PKM: variants seen among roughly 807,000 people sequenced by gnomAD.
PKM encodes the protein pyruvate kinase M1/2.
Under a neutral mutation model 49.8 loss-of-function variants are expected in PKM, and 18 were observed. The observed-to-expected ratio is 0.36, with a 90% CI of 0.25 to 0.54. The LOEUF (loss-of-function observed/expected upper bound fraction) is 0.54. Ranked by LOEUF, PKM falls within the 20% of genes least tolerant of loss-of-function variation. The pLI, the probability that PKM is intolerant of heterozygous loss-of-function variation, is 0.89. For missense variants in PKM, 508 were observed against 713.8 expected (o/e 0.71, Z 3.28); for synonymous variants, 239 against 261.8 (o/e 0.91, Z 0.84).
chr15:72,231,157 A>G lies in PKM; in HGVS notation c.-55T>C, dbSNP rs1437096340. The G allele has an allele frequency of 3.4e-6, 1 of 296,094 alleles. No homozygotes were observed. Among genetic ancestry groups the G allele is most frequent in the Non-Finnish European group, 7.1e-6 (1 of 141,728 alleles). 18.3% of individuals were successfully genotyped at this position (296,094 alleles called of 1,614,324 possible). ...CTCGGGCTACGCTGCAAAGACGAAG[A>G]GATCCGGAGCCACGGCGCGTGCAGC... On this transcript the variant is annotated 5_prime_UTR_variant, in exon 1 of 11. Transcript: ENST00000335181.
intron 1 of PKM, chr15:72,229,581 G>A (rs548797276): frequency 5.1e-5 from 66 of 1,287,650 alleles, no homozygotes; most frequent in South Asian, 4.4e-4. Context: ...CAGACTGGAA[G>A]GTGCTTTCCT....
intron 7 of PKM, 82 bp from the exon 8 acceptor site, chr15:72,206,962 T>C (rs2082098856): frequency 6.5e-7 from 1 of 1,537,550 alleles, no homozygotes; most frequent in Non-Finnish European, 9.0e-7. Flanking sequence ...CTCTGGATAG[T>C]GAGTAGGTAC....
chr15:72,207,458 G>A (rs1477524235), intron 6 of PKM, among the ~76,000 whole-genome samples, 181 bp from the exon 7 acceptor site: 1 of 152,206 alleles, frequency 6.6e-6, no homozygotes, highest in African/African-American at 2.4e-5. Flanking sequence ...GGCCCCCAGA[G>A]TGGGCCAACA....
rs41277722 is a variant in PKM at position 72,199,547 on chromosome 15, G to A, written c.*103C>T. The A allele has an allele frequency of 4.0e-3, 3,224 of 806,544 alleles. 14 individuals carry two copies. The highest frequency in any genetic ancestry group is 7.0e-3 in the Middle Eastern group (32 of 4,552). The allele number at this position is 806,544 out of a possible 1,614,324, so 50.0% of individuals were successfully genotyped here. ...TTCCCTGGTGTCCCAACCTACCAGTGCCACGTTACAGCCCAGAGTGAGTTC... is the reference window on the plus strand; with the variant it reads ...TTCCCTGGTGTCCCAACCTACCAGTACCACGTTACAGCCCAGAGTGAGTTC... On this transcript the variant is annotated 3_prime_UTR_variant, in exon 11 of 11. Coordinates refer to ENST00000335181, the MANE Select transcript of PKM (RefSeq NM_002654.6).
intron 1 of PKM, among the ~76,000 whole-genome samples, chr15:72,227,760 AAAAAAAAAAAAAAAC>A (rs1228612234): frequency 4.9e-4 from 65 of 133,892 alleles, no homozygotes; most frequent in South Asian, 4.8e-3. Context: ...AAAAAAAAAA[AAAAAAAAAAAAAAAC>A]AAAAAACTGA....
At chr15:72,210,180 A>G (rs141278113) in intron 4 of PKM, 167 bp downstream of exon 4, 108 of 822,068 alleles carry the variant, frequency 1.3e-4, no homozygotes, top group Non-Finnish European at 1.9e-4. Context: ...AAGTAGATCA[A>G]ATCAACATTG....
At chr15:72,215,056 C>T (rs1489769837) in intron 3 of PKM, among the ~76,000 whole-genome samples, 1 of 152,082 alleles carries the variant, frequency 6.6e-6, no homozygotes, top group Non-Finnish European at 1.5e-5. Context: ...AAAAAATTAG[C>T]TGGGCGTGGT....
At chr15:72,210,071 G>A (rs2082210202) in intron 4 of PKM, 2 of 625,962 alleles carry the variant, frequency 3.2e-6, no homozygotes, top group Non-Finnish European at 5.7e-6. Context: ...TAATGATGGG[G>A]AAAAAGATAC....
chr15:72,231,030 GGGCC>G (rs1567139866), intron 1 of PKM, 82 bp downstream of exon 1: 1 of 1,150,720 alleles, frequency 8.7e-7, no homozygotes, highest in East Asian at 5.9e-5. Context: ...TGCGTGCCCG[GGGCC>G]GGCCGGCGCG....
intron 3 of PKM, among the ~76,000 whole-genome samples, chr15:72,214,632 C>T (rs2082332537): frequency 6.6e-6 from 1 of 151,978 alleles, no homozygotes; most frequent in South Asian, 2.1e-4. Flanking sequence ...CAAGTCTCTA[C>T]TAAAATACAA....
intron 4 of PKM, 113 bp from the exon 5 acceptor site, chr15:72,209,972 A>C (rs2082207327): frequency 3.4e-6 from 3 of 887,190 alleles, no homozygotes; most frequent in Non-Finnish European, 5.7e-6. Flanking sequence ...GTCACTGCTA[A>C]AAGTAATACA....
At chr15:72,228,681 TCCCCACAAGACAGCCCACTCCTGC>T in intron 1 of PKM, 1 of 1,261,694 alleles carries the variant, frequency 7.9e-7, no homozygotes, top group Non-Finnish European at 1.0e-6. Context: ...ACATTTCCCT[TCCCCACAAGACAGCCCACTCCTGC>T]CCCCACAGCA....
Position 72,202,664 on chromosome 15 carries a change from G to A in PKM, c.1141-44C>T. Reference sequence around the variant, plus strand: ...TCCAGAGGGACGAGAGGGGGACAGAGCTTTGTCAGAGCTTTGTCACAAAAG... The same window carrying A: ...TCCAGAGGGACGAGAGGGGGACAGAACTTTGTCAGAGCTTTGTCACAAAAG... On this transcript the variant is annotated intron_variant, in intron 8 of 10. Coordinates refer to ENST00000335181, the MANE Select transcript of PKM (RefSeq NM_002654.6). This position sits in a 1 kb window ranked among gnomAD's most constrained non-coding sequence, Gnocchi z 4.5. The A allele has an allele frequency of 6.5e-7, 1 of 1,547,800 alleles. No individual in the cohort carries two copies. Among genetic ancestry groups the A allele is most frequent in the Non-Finnish European group, 8.9e-7 (1 of 1,127,628 alleles).
At chr15:72,214,852 GT>G (rs1422280792) in intron 3 of PKM, among the ~76,000 whole-genome samples, 1 of 152,074 alleles carries the variant, frequency 6.6e-6, no homozygotes. Context: ...GGAACCACAT[GT>G]TCAGCAAGAA....
Position 72,220,138 on chromosome 15 carries a change from A to G in PKM, c.-13-1028T>C, listed in dbSNP as rs534085327. ...CAGACCAGGCAGTGTTTGAAGAACT[A>G]TCAGGTAAGGATGTGAACCAGAAGC... On this transcript the variant is annotated intron_variant, in intron 1 of 10. Transcript: ENST00000335181. 2.0e-5 allele frequency among the ~76,000 whole-genome samples: 3 copies of G among 152,378 alleles called. No homozygotes were observed. The South Asian group carries it at 6.2e-4, about 32-fold the overall frequency.
intron 8 of PKM, chr15:72,203,316 A>C: frequency 1.2e-6 from 1 of 835,836 alleles, no homozygotes; most frequent in Non-Finnish European, 2.0e-6. Context: ...AATTGGCTAA[A>C]TCTGTCCTTC....
At chr15:72,222,866 T>G (rs2959907) in intron 1 of PKM, among the ~76,000 whole-genome samples, 2,488 of 152,228 alleles carry the variant, frequency 0.016, 74 homozygotes, top group African/African-American at 0.055. Flanking sequence ...CAGCTCCAAG[T>G]GCCCTATTCT....
chr15:72,206,599 G>A, intron 8 of PKM, 129 bp downstream of exon 8: 1 of 945,446 alleles, frequency 1.1e-6, no homozygotes, highest in Non-Finnish European at 1.6e-6. Flanking sequence ...TCTTGCTGCT[G>A]TAACTTGGAG....
intron 8 of PKM, among the ~76,000 whole-genome samples, chr15:72,205,623 AGTT>A (rs2082053386): frequency 1.6e-5 from 1 of 62,266 alleles, no homozygotes; most frequent in Non-Finnish European, 3.1e-5. Flanking sequence ...TGGGTGTTTT[AGTT>A]TTTTTTTTTT....
Sources: allele counts gnomAD v4.1 joint callset (sites outside exome capture counted in the v4.1 genomes callset), GRCh38; gene constraint gnomAD v4.1.1; non-coding constraint Gnocchi (gnomAD v3.1); transcripts MANE v1.5; gene names NCBI Gene and HGNC (gene_info 2026-07-23, HGNC 2026-07-21).